Variants in SCOC observed in about 807,000 individuals in gnomAD.
SCOC encodes short coiled-coil protein.
A neutral mutation model predicts 9.9 loss-of-function variants in SCOC; 7 were observed. That is an observed-to-expected ratio of 0.71 (90% CI 0.40 to 1.33). The LOEUF is 1.33. Among genes scored for constraint, SCOC ranks in the 40% most tolerant of loss-of-function variants. The pLI, the probability that SCOC is intolerant of heterozygous loss-of-function variation, is 0.01. For synonymous variants in SCOC, 19 were observed against 28.2 expected (o/e 0.67, Z 1.03); for missense variants, 66 against 89.7 (o/e 0.74, Z 1.07).
At chr4:140,366,012 C>A (rs1578867028) in intron 2 of SCOC, among the ~76,000 whole-genome samples, 2 of 152,144 alleles carry the variant, frequency 1.3e-5, no homozygotes, top group East Asian at 3.9e-4. Context: ...CAGATCCTGA[C>A]AAAAGCTGAC....
In SCOC at chr4:140,274,103, G is replaced by A. The variant is rs543623933; in HGVS notation, c.-19+16693G>A. Among the ~76,000 whole-genome samples, 7 of 152,190 alleles carry A rather than the reference G, an allele frequency of 4.6e-5. No individual in the cohort carries two copies. In the South Asian group the frequency reaches 1.5e-3, roughly 32 times the overall value. Reference sequence around the variant, plus strand: ...ACTCGTTGTACATTTAAAATCATAGGGAAAAGAAGCAATTCCTAAGCTACT... The same window carrying A: ...ACTCGTTGTACATTTAAAATCATAGAGAAAAGAAGCAATTCCTAAGCTACT... On this transcript the variant is annotated intron_variant, in intron 1 of 4. Coordinates refer to the SCOC transcript ENST00000394205.
At chr4:140,275,107 G>C (rs1196514364) in intron 1 of SCOC, among the ~76,000 whole-genome samples, 1 of 152,144 alleles carries the variant, frequency 6.6e-6, no homozygotes, top group African/African-American at 2.4e-5. Context: ...TAGTATGATT[G>C]GTCCATGCAA....
At chr4:140,321,015 C>T (rs1271487954) in intron 1 of SCOC, among the ~76,000 whole-genome samples, 1 of 152,154 alleles carries the variant, frequency 6.6e-6, no homozygotes, top group Non-Finnish European at 1.5e-5. Flanking sequence ...GTTTGGAGAA[C>T]TACTTACAGA....
At chr4:140,366,463 A>G in intron 2 of SCOC, 1 of 1,539,962 alleles carries the variant, frequency 6.5e-7, no homozygotes. Flanking sequence ...AAGCTTTTGG[A>G]GAGCTGCCTT....
chr4:140,264,224 G>A (rs888225065), intron 1 of SCOC, among the ~76,000 whole-genome samples: 1 of 152,048 alleles, frequency 6.6e-6, no homozygotes, highest in African/African-American at 2.4e-5. Flanking sequence ...GGCTGGTCTT[G>A]AACTTCCAGC....
At chr4:140,378,319 C>T (rs1356583209) in intron 1 of SCOC, among the ~76,000 whole-genome samples, 3 of 151,784 alleles carry the variant, frequency 2.0e-5, no homozygotes, top group Non-Finnish European at 2.9e-5. Context: ...TCATCCATAC[C>T]GTCATCCTTA....
chr4:140,351,150 A>G (rs1250572549), intron 2 of SCOC, among the ~76,000 whole-genome samples: 3 of 151,560 alleles, frequency 2.0e-5, no homozygotes, highest in East Asian at 1.9e-4. Context: ...AGATCGCGCC[A>G]TTGCACTCCA....
intron 1 of SCOC, among the ~76,000 whole-genome samples, chr4:140,296,626 C>A (rs759980655): frequency 1.3e-5 from 2 of 152,130 alleles, no homozygotes; most frequent in Non-Finnish European, 2.9e-5. Flanking sequence ...GGTGACATGG[C>A]GGGTGAACGA....
At chr4:140,362,546 C>T (rs1321768221) in intron 2 of SCOC, among the ~76,000 whole-genome samples, 1 of 151,538 alleles carries the variant, frequency 6.6e-6, no homozygotes, top group Non-Finnish European at 1.5e-5. Context: ...CTGCTCACCT[C>T]AGCCACCAAA....
In SCOC at chr4:140,286,776, G is replaced by A. The variant is rs116590702; in HGVS notation, c.-19+29366G>A. Among the ~76,000 whole-genome samples the A allele has an allele frequency of 5.4e-3, 823 of 152,336 alleles. 5 individuals are homozygous for A. Among genetic ancestry groups the A allele is most frequent in the African/African-American group, 0.017 (695 of 41,560 alleles). ...GGGCGCTGGAGCCGCTGTCAAGGAC[G>A]ACTGTGGGAGTCACGCAGCCTCTAA... On this transcript the variant is annotated intron_variant, in intron 1 of 4. Transcript: ENST00000394205.
At chr4:140,346,446 G>A (rs1726744899) in intron 2 of SCOC, among the ~76,000 whole-genome samples, 1 of 152,122 alleles carries the variant, frequency 6.6e-6, no homozygotes, top group East Asian at 1.9e-4. Flanking sequence ...ACCTATCGCT[G>A]TCTCCTTTTA....
chr4:140,348,948 C>G (rs1194462506), intron 2 of SCOC, among the ~76,000 whole-genome samples: 3 of 152,256 alleles, frequency 2.0e-5, no homozygotes, highest in East Asian at 3.9e-4. Flanking sequence ...ATTTGCATTT[C>G]TCTGATGATT....
chr4:140,341,944 C>A (rs1167897295), upstream of SCOC, among the ~76,000 whole-genome samples: 1 of 152,178 alleles, frequency 6.6e-6, no homozygotes, highest in East Asian at 1.9e-4. Flanking sequence ...TTCCATTCCA[C>A]TTTGTCTTCA....
intron 1 of SCOC, among the ~76,000 whole-genome samples, chr4:140,317,038 G>A (rs982545780): frequency 3.9e-5 from 6 of 152,038 alleles, no homozygotes; most frequent in Non-Finnish European, 5.9e-5. Flanking sequence ...CGTTGTTTTC[G>A]TCTGTTCCAC....
intron 1 of SCOC, among the ~76,000 whole-genome samples, chr4:140,304,183 G>A (rs2126457008): frequency 6.6e-6 from 1 of 152,286 alleles, no homozygotes; most frequent in Non-Finnish European, 1.5e-5. Context: ...CCTGGAAAGG[G>A]AAGCATATGG....
upstream of SCOC, among the ~76,000 whole-genome samples, chr4:140,373,062 A>T (rs938374650): frequency 6.6e-6 from 1 of 152,258 alleles, no homozygotes; most frequent in African/African-American, 2.4e-5. Context: ...CTACAGATTT[A>T]ATAATAGTTT....
intron 1 of SCOC, among the ~76,000 whole-genome samples, chr4:140,264,964 A>C (rs1030036976): frequency 6.6e-6 from 1 of 152,196 alleles, no homozygotes; most frequent in Non-Finnish European, 1.5e-5. Context: ...GCCTCTACGC[A>C]TCATGAGGCC....
upstream of SCOC, among the ~76,000 whole-genome samples, chr4:140,338,712 G>C (rs2126504326): frequency 6.6e-6 from 1 of 152,184 alleles, no homozygotes; most frequent in Admixed American, 6.5e-5. Flanking sequence ...GCTTCAAAGA[G>C]AATAAAATAC....
upstream of SCOC, among the ~76,000 whole-genome samples, chr4:140,371,787 G>T (rs1048727394): frequency 1.3e-5 from 2 of 152,060 alleles, no homozygotes; most frequent in South Asian, 4.1e-4. Context: ...CTGAAAAGAG[G>T]GTCTCAAAGA....
Sources: gnomAD v4.1 joint callset for allele counts (sites outside exome capture counted in the v4.1 genomes callset) on GRCh38, gnomAD v4.1.1 for gene constraint, MANE v1.5 for transcripts, NCBI Gene and HGNC (gene_info 2026-07-23, HGNC 2026-07-21) for gene names.